UBAP2: variants seen among roughly 807,000 people sequenced by gnomAD.
UBAP2 encodes ubiquitin-associated protein 2.
Under a neutral mutation model 139.6 loss-of-function variants are expected in UBAP2, and 75 were observed. The ratio of observed to expected loss-of-function variants is 0.54; its 90% CI spans 0.45 to 0.65. The LOEUF is 0.65. UBAP2 is among the 30% of genes least tolerant of loss of function. The pLI, the probability that UBAP2 is intolerant of heterozygous loss-of-function variation, is 0.00. For synonymous variants in UBAP2, 526 were observed against 526.2 expected, an observed-to-expected ratio of 1.00 and a Z score of 0.01; for missense variants, 1,368 against 1,369.6, an observed-to-expected ratio of 1.00 and a Z score of 0.02.
At chr9:33,949,544 A>C (rs1825922146) in intron 12 of UBAP2, among the ~76,000 whole-genome samples, 1 of 152,130 alleles carries the variant, frequency 6.6e-6, no homozygotes, top group African/African-American at 2.4e-5. Context: ...CTCTACTAAA[A>C]ATACAAAAAT....
intron 22 of UBAP2, among the ~76,000 whole-genome samples, chr9:33,924,965 A>T (rs988584285): frequency 9.2e-5 from 14 of 152,220 alleles, no homozygotes; most frequent in African/African-American, 3.4e-4. Context: ...CAAGACAATT[A>T]TTCTTTCAAT....
rs369436264 is a variant in UBAP2 at position 33,926,983 on chromosome 9, A to G, written c.2463+6T>C. The G allele has an allele frequency of 5.0e-6, 8 of 1,613,214 alleles. No individual in the cohort carries two copies. The African/African-American group carries it at 5.3e-5, about 11-fold the overall frequency. The stretch of plus-strand genomic sequence containing the variant: ...GGGCAGGCCAGGAGTTCCGCCATAC[A>G]CTCACCGGGTAGGCAGGAAGCAGTC... On this transcript the variant is annotated splice_donor_region_variant and intron_variant, in intron 21 of 28. Coordinates refer to ENST00000379238, the MANE Select transcript of UBAP2 (RefSeq NM_001370062.2).
At chr9:34,023,362 G>A (rs1314697341) in intron 1 of UBAP2, among the ~76,000 whole-genome samples, 2 of 152,014 alleles carry the variant, frequency 1.3e-5, no homozygotes, top group Admixed American at 6.6e-5. Context: ...TTAATTTTTT[G>A]ATTTACAGAA....
Position 33,996,233 on chromosome 9 carries a change from T to C in UBAP2, c.278A>G (p.Asn93Ser). The change falls in exon 4 of 29, where the codon AAT becomes AGT. Residue 93 changes from asparagine to serine, a missense_variant. By Grantham distance (46) the Asn-to-Ser change is conservative. Coordinates refer to ENST00000379238, the MANE Select transcript of UBAP2 (RefSeq NM_001370062.2). ...ATTAATAATACTTACTGTGTCTGAA[T>C]TCCCTTCCAGCAATATATTGATAGC... is the stretch of plus-strand genomic sequence containing the variant. ...NKAINILLEG[N>S]SDTTSWETVG... 1 of 1,610,358 alleles carries C rather than the reference T, an allele frequency of 6.2e-7. No individual in the cohort carries two copies. The highest frequency in any genetic ancestry group is 8.5e-7 in the Non-Finnish European group (1 of 1,177,212).
intron 16 of UBAP2, among the ~76,000 whole-genome samples, chr9:33,940,018 G>C (rs752294480): frequency 6.9e-6 from 1 of 144,454 alleles, no homozygotes; most frequent in African/African-American, 2.6e-5. Context: ...AGAGGAGGGG[G>C]AGGGAGAGGA....
chr9:34,014,200 G>A (rs1168394975), intron 2 of UBAP2, among the ~76,000 whole-genome samples: 16 of 151,372 alleles, frequency 1.1e-4, no homozygotes, highest in Non-Finnish European at 1.3e-4. Flanking sequence ...GGTGGCTCAC[G>A]CCTGTAATCC....
At chr9:33,937,281 A>C (rs144486522) in intron 16 of UBAP2, among the ~76,000 whole-genome samples, 2 of 152,260 alleles carry the variant, frequency 1.3e-5, no homozygotes, top group Non-Finnish European at 2.9e-5. Flanking sequence ...GTAAATAAGT[A>C]AAATTATCTA....
chr9:33,962,276 T>C (rs1827104619), intron 9 of UBAP2, among the ~76,000 whole-genome samples: 1 of 152,194 alleles, frequency 6.6e-6, no homozygotes. Flanking sequence ...GTACAGTTAA[T>C]GTAGTAAGTT....
chr9:33,980,884 G>C (rs1464258353), intron 6 of UBAP2, among the ~76,000 whole-genome samples: 1 of 150,834 alleles, frequency 6.6e-6, no homozygotes, highest in East Asian at 2.0e-4. Flanking sequence ...GAGGTGGAGA[G>C]TGCACTGAGC....
At chr9:33,930,895 CAAAAAAAAAAA>C (rs57202118) in intron 19 of UBAP2, among the ~76,000 whole-genome samples, 13 of 73,234 alleles carry the variant, frequency 1.8e-4, no homozygotes, top group Admixed American at 6.1e-4. Flanking sequence ...GACTGCATCT[CAAAAAAAAAAA>C]AAAAAAAAAA....
At chr9:34,005,397 T>A (rs565955903) in intron 2 of UBAP2, among the ~76,000 whole-genome samples, 20 of 142,066 alleles carry the variant, frequency 1.4e-4, no homozygotes, top group African/African-American at 5.4e-4. Flanking sequence ...ATCATGCCAT[T>A]GCACTCCAGC....
intron 8 of UBAP2, among the ~76,000 whole-genome samples, chr9:33,969,275 C>T (rs2131043849): frequency 6.6e-6 from 1 of 152,184 alleles, no homozygotes; most frequent in South Asian, 2.1e-4. Flanking sequence ...ACAAACTAAG[C>T]TGGGCATGGT....
At chr9:33,940,546 A>T (rs1825115556) in intron 16 of UBAP2, among the ~76,000 whole-genome samples, 2 of 152,222 alleles carry the variant, frequency 1.3e-5, no homozygotes, top group Admixed American at 1.3e-4. Context: ...AAGAAGGCCA[A>T]GATAGGTGGA....
chr9:33,996,393 A>C, intron 3 of UBAP2, 60 bp from the exon 4 acceptor site: 1 of 1,077,898 alleles, frequency 9.3e-7, no homozygotes, highest in Non-Finnish European at 1.4e-6. Context: ...TGATATTAAG[A>C]TTCTTCTATA....
At chr9:33,950,591 C>A (rs1426585713) in intron 12 of UBAP2, among the ~76,000 whole-genome samples, 1 of 152,144 alleles carries the variant, frequency 6.6e-6, no homozygotes, top group African/African-American at 2.4e-5. Context: ...TATCACTGCT[C>A]CAGATTCTTT....
At chr9:33,971,784 G>T in intron 7 of UBAP2, 30 bp from the exon 8 acceptor site, 1 of 1,356,916 alleles carries the variant, frequency 7.4e-7, no homozygotes, top group African/African-American at 1.4e-5. Context: ...AATAATAAAG[G>T]CAAAAGAAGC....
chr9:33,996,367 A>T (rs1822200011), intron 3 of UBAP2, 34 bp from the exon 4 acceptor site: 1 of 1,453,720 alleles, frequency 6.9e-7, no homozygotes, highest in Non-Finnish European at 9.6e-7. Context: ...TTAGAGGCAA[A>T]CAAAAAACTG....
intron 4 of UBAP2, among the ~76,000 whole-genome samples, chr9:33,991,633 T>C (rs1363236828): frequency 1.3e-5 from 2 of 152,224 alleles, no homozygotes; most frequent in Non-Finnish European, 2.9e-5. Flanking sequence ...ATCTTTAATA[T>C]TTTTCTGCAT....
At chr9:34,016,365 A>AGCG (rs1554690837) in intron 2 of UBAP2, among the ~76,000 whole-genome samples, 2 of 10,728 alleles carry the variant, frequency 1.9e-4, no homozygotes, top group African/African-American at 1.8e-4. Flanking sequence ...CAGCGGCGGC[A>AGCG]GCGGCGGTGG....
Sources: allele counts gnomAD v4.1 joint callset (sites outside exome capture counted in the v4.1 genomes callset), GRCh38; gene constraint gnomAD v4.1.1; transcripts MANE v1.5; gene names NCBI Gene and HGNC (gene_info 2026-07-23, HGNC 2026-07-21).